The following RGS11 variants were observed in gnomAD, a reference collection of about 807,000 sequenced individuals.
RGS11 encodes regulator of G-protein signaling 11.
Under a neutral mutation model 71.1 loss-of-function variants are expected in RGS11, and 86 were observed. The ratio of observed to expected loss-of-function variants is 1.21; its 90% confidence interval spans 1.02 to 1.45. RGS11 has a LOEUF of 1.45. Among genes scored for constraint, RGS11 ranks in the 40% most tolerant of loss-of-function variants. RGS11 has a pLI of 0.00. For synonymous variants in RGS11, 298 were observed against 254.2 expected (o/e 1.17, Z -1.64); for missense variants, 734 against 635.1 (o/e 1.16, Z -1.67).
rs182698513 is a variant in RGS11 at position 269,316 on chromosome 16, C to T, written c.1357G>A (p.Glu453Lys). The T allele has an allele frequency of 6.3e-7, 1 of 1,597,992 alleles. No individual in the cohort carries two copies. The highest frequency in any genetic ancestry group is 1.3e-5 in the African/African-American group (1 of 74,936). Residue 453 changes from glutamate to lysine, a missense_variant, in exon 17 of 17, where the codon GAG becomes AAG. Glu to Lys is a moderately conservative substitution (Grantham distance 56, BLOSUM62 1). Transcript: ENST00000397770. ...CCAGGGCCACAAGCCGCTGTGGGCTCCACAGGGGTGGGAAGGAGTGCAGGG... is the reference window on the plus strand; with the variant it reads ...CCAGGGCCACAAGCCGCTGTGGGCTTCACAGGGGTGGGAAGGAGTGCAGGG... ...PSPALLPTPV[E>K]PTAACGPGGG...
At position 271,211 on chromosome 16, in the gene RGS11, T is replaced by C. The variant is rs113757096; in HGVS notation, c.854A>G (p.Asn285Ser). 2.3e-5 allele frequency: 37 copies of C among 1,612,586 alleles called. 1 individual carries two copies. In the African/African-American group the frequency reaches 2.7e-4, roughly 12 times the overall value. Residue 285 changes from asparagine to serine, a missense_variant, in exon 12 of 17, where the codon AAT (asparagine) becomes AGT (serine). Physicochemically the swap from Asn to Ser is conservative, Grantham distance 46 (BLOSUM62 1). Coordinates refer to ENST00000397770, the MANE Select transcript of RGS11 (RefSeq NM_183337.3). ...CCCCGCCTGGGCTCACGTGGGGGCA[T>C]TCATGACCCAGTAGGCGTCATTGTC... is the stretch of plus-strand genomic sequence containing the variant. ...ISDNDAYWVMNAPTVAAPTKL... is the reference protein window; with the variant it reads ...ISDNDAYWVMSAPTVAAPTKL...
intron 15 of RGS11, 154 bp from the exon 16 acceptor site, chr16:269,739 G>A (rs2051831122): frequency 1.6e-6 from 1 of 608,726 alleles, no homozygotes; most frequent in Non-Finnish European, 2.9e-6. Flanking sequence ...GACCTGCCCA[G>A]ACCAAGGCAG....
rs932485235 is a variant in RGS11 at position 274,288 on chromosome 16, T to C, written c.319-23A>G. The C allele has an allele frequency of 3.1e-6, 5 of 1,603,328 alleles. No homozygotes were observed. In the African/African-American group the frequency reaches 6.7e-5, roughly 21 times the overall value. On this transcript the variant is annotated intron_variant, in intron 4 of 16. Coordinates refer to ENST00000397770, the MANE Select transcript of RGS11 (RefSeq NM_183337.3). Reference sequence around the variant, plus strand: ...GGTCTGGCGTGGTGCAGGGAGAAGGTGTCCAGGACGCCTGCGTCTGTGCCT... The same window carrying C: ...GGTCTGGCGTGGTGCAGGGAGAAGGCGTCCAGGACGCCTGCGTCTGTGCCT...
rs139588867 is a variant in RGS11 at position 273,478 on chromosome 16, G to C, written c.585C>G (p.Pro195=). The stretch of plus-strand genomic sequence containing the variant: ...CCCTCACCGCAGGTGGGCTCACCGG[G>C]GGCCTGTTCACCAGCCAGTAGGTCT... The part of the protein sequence containing the change: ...QEQTYWLVNR[P]PPGAPDVLEQ... Residue 195 remains proline, a synonymous_variant, in exon 8 of 17, where the codon CCC becomes CCG. Coordinates refer to ENST00000397770, the MANE Select transcript of RGS11 (RefSeq NM_183337.3). 20 of 1,550,362 alleles carry C rather than the reference G, an allele frequency of 1.3e-5. No individual in the cohort carries two copies. In the South Asian group the frequency reaches 2.3e-4, roughly 18 times the overall value.
In RGS11 at chr16:274,231, G is replaced by A. The variant is rs1432763875; in HGVS notation, c.353C>T (p.Ala118Val). 14 of 1,610,972 alleles carry A rather than the reference G, an allele frequency of 8.7e-6. No individual in the cohort carries two copies. The highest frequency in any genetic ancestry group is 1.1e-5 in the Non-Finnish European group (13 of 1,178,960). ...TTGCTCACCATAGTCCAGCTCTGCA[G>A]CCGGCCTCAGGGTACTTGTCCAGAA... The part of the protein sequence containing the change: ...PYFWTSTLRP[A>V]AELDYAIYLA... Residue 118 changes from alanine (A) to valine (V), a missense_variant, in exon 5 of 17, where the codon GCT becomes GTT. Ala to Val is a moderately conservative substitution (Grantham distance 64, BLOSUM62 0). Transcript: ENST00000397770.
chr16:269,010 C>T lies in RGS11; in HGVS notation c.*259G>A. 7.1e-7 allele frequency: 1 copy of T among 1,416,984 alleles called. No individual in the cohort carries two copies. The allele number at this position is 1,416,984 out of a possible 1,614,324, so 87.8% of individuals were successfully genotyped here. On this transcript the variant is annotated 3_prime_UTR_variant, in exon 17 of 17. Coordinates refer to ENST00000397770, the MANE Select transcript of RGS11 (RefSeq NM_183337.3). ...CTTGGTCTCACCTCTCTTCAGGTAA[C>T]AGGCTCTGCCCTGACCCAAGCTGAG... is the stretch of plus-strand genomic sequence containing the variant.
Position 275,468 on chromosome 16 carries a change from G to T in RGS11, c.94C>A (p.Pro32Thr). The T allele has an allele frequency of 1.3e-6, 2 of 1,589,308 alleles. No individual in the cohort carries two copies. Residue 32 changes from proline (P) to threonine (T), a missense_variant, in exon 2 of 17, where the codon CCC becomes ACC. Physicochemically the swap from Pro to Thr is conservative, Grantham distance 38 (BLOSUM62 -1). Transcript: ENST00000397770. ...MERVVVSMQDPDQGVKMRSQR... is the reference protein window; with the variant it reads ...MERVVVSMQDTDQGVKMRSQR... ...CTCCGCATCTTCACGCCCTGGTCGG[G>T]GTCCTGCATGCTCACGACCACCCGC...
At chr16:273,635 G>C (rs1291374392) in intron 7 of RGS11, 79 bp from the exon 8 acceptor site, 1 of 1,495,918 alleles carries the variant, frequency 6.7e-7, no homozygotes, top group African/African-American at 1.4e-5. Flanking sequence ...CTGGACCTGG[G>C]CAGGCAGCCA....
In RGS11 at chr16:273,832, C is replaced by T. The variant is rs1254168341; in HGVS notation, c.434G>A (p.Cys145Tyr). The T allele has an allele frequency of 1.2e-6, 2 of 1,613,430 alleles. No homozygotes were observed. The highest frequency in any genetic ancestry group is 1.7e-6 in the Non-Finnish European group (2 of 1,179,986). The change falls in exon 7 of 17, where the codon TGC (cysteine) becomes TAC (tyrosine). Residue 145 changes from cysteine (C) to tyrosine (Y), a missense_variant. Transcript: ENST00000397770. ...GATCTTCTTGTGTAGCCGGTCATAG[C>T]AGTCCTGGGGGCAGCGAGGTTTCCA... is the stretch of plus-strand genomic sequence containing the variant. ...RGTLVDYEKD[C>Y]YDRLHKKINH...
At position 269,341 on chromosome 16, in the gene RGS11, G is replaced by C; in HGVS notation, c.1332C>G (p.Ser444Arg). 2 of 1,603,368 alleles carry C rather than the reference G, an allele frequency of 1.2e-6. No homozygotes were observed. The highest frequency in any genetic ancestry group is 1.1e-5 in the South Asian group (1 of 89,368). The change falls in exon 17 of 17, where the codon AGC becomes AGG. Residue 444 changes from serine (S) to arginine (R), a missense_variant. Physicochemically the swap from Ser to Arg is moderately radical, Grantham distance 110. Transcript: ENST00000397770. ...CCACAGGGGTGGGAAGGAGTGCAGG[G>C]CTGGGGCTCGAGTGCCGTGGCCTCC... ...FTWRPRHSSP[S>R]PALLPTPVEP... is the part of the protein sequence containing the mutation.
chr16:269,723 G>A (rs982301114), intron 15 of RGS11, 138 bp from the exon 16 acceptor site: 18 of 677,094 alleles, frequency 2.7e-5, no homozygotes, highest in Non-Finnish European at 3.8e-5. Context: ...GGAGGCAGCC[G>A]CCTCGGACCT....
chr16:274,036 G>GC lies in RGS11; in HGVS notation c.429+6_429+7insG. ...CCAGCCGGGGCGGGAAGGGTGGGGG[G>GC]TCCCACCTTCTCATAATCCACCAGG... On this transcript the variant is annotated splice_region_variant and intron_variant, in intron 6 of 16. Coordinates refer to ENST00000397770, the MANE Select transcript of RGS11 (RefSeq NM_183337.3). The GC allele has an allele frequency of 1.3e-6, 2 of 1,547,966 alleles. No individual in the cohort carries two copies. Among genetic ancestry groups the GC allele is most frequent in the South Asian group, 2.4e-5 (2 of 84,248 alleles).
At chr16:270,174 G>A (rs1015176052) in intron 15 of RGS11, among the ~76,000 whole-genome samples, 2 of 152,168 alleles carry the variant, frequency 1.3e-5, no homozygotes, top group East Asian at 1.9e-4. Context: ...GCGTGAACCC[G>A]GGAGGTGGAG....
At chr16:274,599 T>A in intron 4 of RGS11, 1 of 592,636 alleles carries the variant, frequency 1.7e-6, no homozygotes, top group Non-Finnish European at 3.1e-6. Flanking sequence ...CGACGGCAGG[T>A]CGGCCCGGGA....
intron 9 of RGS11, 43 bp downstream of exon 9, chr16:272,820 T>C: frequency 6.5e-7 from 1 of 1,538,364 alleles, no homozygotes. Context: ...GTGCAGCCGG[T>C]GTGCAGGGTG....
At chr16:270,379 C>T (rs948906757) in intron 15 of RGS11, 144 bp downstream of exon 15, 25 of 962,870 alleles carry the variant, frequency 2.6e-5, no homozygotes, top group Middle Eastern at 3.3e-4. Context: ...GCGGCCAGGG[C>T]GGCCCCAACC....
intron 9 of RGS11, chr16:272,659 A>C (rs2051990468): frequency 1.4e-6 from 2 of 1,441,238 alleles, no homozygotes; most frequent in Non-Finnish European, 1.8e-6. Context: ...CCAGGGCAGC[A>C]GGTGGGAGGG....
At chr16:270,112 G>A (rs570359515) in intron 15 of RGS11, among the ~76,000 whole-genome samples, 8 of 152,216 alleles carry the variant, frequency 5.3e-5, no homozygotes, top group South Asian at 4.2e-4. Flanking sequence ...AGCCGGGCGT[G>A]GTGGCGGGCG....
At position 275,885 on chromosome 16, in the gene RGS11, GGGGGGCGGCGC is replaced by G; in HGVS notation, c.16_26del (p.Ala6ArgfsTer84). The G allele has an allele frequency of 2.1e-6, 2 of 932,598 alleles. No homozygotes were observed. Among genetic ancestry groups the G allele is most frequent in the Non-Finnish European group, 2.6e-6 (2 of 763,198 alleles). The allele number at this position is 932,598 out of a possible 1,614,324, so 57.8% of individuals were successfully genotyped here. A position where few individuals can be genotyped will look rare whatever the true frequency, so the allele number is the denominator to read the frequency against. On this transcript the variant is annotated frameshift_variant, in exon 1 of 17. Coordinates refer to ENST00000397770, the MANE Select transcript of RGS11 (RefSeq NM_183337.3). LOFTEE classifies it high-confidence loss of function. The stretch of plus-strand genomic sequence containing the variant: ...GCGGCATCTGCGCCCGGGGGCGGCC[GGGGGGCGGCGC>G]GGGGCCGGCGGCCATGGCTGCGGGG...
Sources: gnomAD v4.1 joint callset for allele counts (sites outside exome capture counted in the v4.1 genomes callset) on GRCh38, gnomAD v4.1.1 for gene constraint, MANE v1.5 for transcripts, NCBI Gene and HGNC (gene_info 2026-07-23, HGNC 2026-07-21) for gene names.